Variants in PROM1 observed in about 807,000 individuals in gnomAD.
PROM1 encodes the protein prominin-1.
A neutral mutation model predicts 116.9 loss-of-function variants in PROM1; 105 were observed. That is an observed-to-expected ratio of 0.90 (90% CI 0.77 to 1.06). PROM1 has a LOEUF of 1.06. Ranked by LOEUF, PROM1 falls within the 50% of genes least tolerant of loss-of-function variation. The pLI, the probability that PROM1 is intolerant of heterozygous loss-of-function variation, is 0.00. For missense variants in PROM1, 1,122 were observed against 1,045.2 expected (o/e 1.07, Z -1.01); for synonymous variants, 393 against 387.0 (o/e 1.02, Z -0.18).
chr4:16,072,149 G>A (rs1043126280), intron 2 of PROM1, among the ~76,000 whole-genome samples: 2 of 152,076 alleles, frequency 1.3e-5, no homozygotes, highest in Non-Finnish European at 2.9e-5. Context: ...CTTCTGCCCA[G>A]GAAGTAAGGC....
rs1744907484 is a variant in PROM1 at position 16,080,888 on chromosome 4, A to G, written c.-213+3090T>C. 2.0e-5 allele frequency among the ~76,000 whole-genome samples: 3 copies of G among 152,162 alleles called. No individual in the cohort carries two copies. The South Asian group carries it at 6.2e-4, about 31-fold the overall frequency. ...TGATGGCAGCAATGCCAGTAGCCAC[A>G]TCCAGGGTCCTGTTCTGGCAGCCGC... On this transcript the variant is annotated intron_variant, in intron 1 of 27. Transcript: ENST00000447510.
At chr4:15,982,608 G>C (rs1236894909) in intron 23 of PROM1, among the ~76,000 whole-genome samples, 1 of 152,132 alleles carries the variant, frequency 6.6e-6, no homozygotes, top group South Asian at 2.1e-4. Context: ...GCAGCCTCTA[G>C]GCCTCCCCTC....
chr4:16,013,371 C>T (rs1242711585), intron 10 of PROM1, 33 bp from the exon 11 acceptor site: 1 of 1,506,014 alleles, frequency 6.6e-7, no homozygotes, highest in Non-Finnish European at 9.2e-7. Flanking sequence ...AGGATGTACA[C>T]AGTTAAGTCA....
intron 10 of PROM1, 138 bp from the exon 11 acceptor site, chr4:16,013,476 A>G (rs530305812): frequency 1.6e-6 from 1 of 630,086 alleles, no homozygotes; most frequent in South Asian, 2.0e-5. Flanking sequence ...AATGATCATT[A>G]TATGGTCATC....
rs1334846502 is a variant in PROM1 at position 16,041,710 on chromosome 4, T to G, written c.221-2709A>C. On this transcript the variant is annotated intron_variant, in intron 2 of 27. Transcript: ENST00000447510. ...TTCAACTAAGCCACAGTTATGCCAC[T>G]GCACTCCAGCTCGGGTGACAGATCG... 2.0e-5 allele frequency among the ~76,000 whole-genome samples: 3 copies of G among 151,068 alleles called. No individual in the cohort carries two copies. In the Admixed American group the frequency reaches 2.0e-4, roughly 10 times the overall value.
intron 11 of PROM1, among the ~76,000 whole-genome samples, chr4:16,009,652 A>G (rs1726387293): frequency 6.6e-6 from 1 of 152,108 alleles, no homozygotes; most frequent in African/African-American, 2.4e-5. Flanking sequence ...AAGAAATGGT[A>G]TTCAGGGCCG....
chr4:15,989,619 T>A, intron 19 of PROM1, 113 bp downstream of exon 19: 1 of 896,828 alleles, frequency 1.1e-6, no homozygotes, highest in Non-Finnish European at 1.8e-6. Flanking sequence ...CTGAAGCCAG[T>A]CAGCTGGGAC....
intron 2 of PROM1, among the ~76,000 whole-genome samples, chr4:16,041,781 A>ATATAT (rs1735332453): frequency 1.8e-5 from 1 of 56,368 alleles, no homozygotes; most frequent in Non-Finnish European, 3.9e-5. Context: ...TAAATAAATA[A>ATATAT]ATAAATATAT....
intron 13 of PROM1, among the ~76,000 whole-genome samples, chr4:16,004,855 TCCTTCCTCTCTCTCTC>T (rs1432315157): frequency 1.2e-4 from 17 of 139,184 alleles, no homozygotes; most frequent in Non-Finnish European, 1.9e-4. Flanking sequence ...CTTCCTTCCT[TCCTTCCTCTCTCTCTC>T]CCTCTCTCTC....
intron 6 of PROM1, among the ~76,000 whole-genome samples, chr4:16,024,905 A>T (rs1228489165): frequency 2.0e-5 from 3 of 152,324 alleles, no homozygotes; most frequent in East Asian, 1.9e-4. Flanking sequence ...TCATTTTTTT[A>T]AAAAATCATA....
Position 16,006,559 on chromosome 4 carries a change from G to A in PROM1, c.1433C>T (p.Thr478Ile). 1.3e-6 allele frequency: 2 copies of A among 1,598,296 alleles called. No homozygotes were observed. The highest frequency in any genetic ancestry group is 8.5e-7 in the Non-Finnish European group (1 of 1,172,912). ...TPTTRGCVSN[T>I]GGVFLMVGVG... Reference sequence around the variant, plus strand: ...TCACACCATGAGGAAGACGCCTCCGGTGTTGGAGACACAGCCTCGGGTGGT... The same window carrying A: ...TCACACCATGAGGAAGACGCCTCCGATGTTGGAGACACAGCCTCGGGTGGT... The change falls in exon 13 of 28, where the codon ACC becomes ATC. Residue 478 changes from threonine (T) to isoleucine (I), a missense_variant. Physicochemically the swap from Thr to Ile is moderately conservative, Grantham distance 89. Coordinates refer to ENST00000447510, the MANE Select transcript of PROM1 (RefSeq NM_006017.3).
At chr4:16,069,938 C>T (rs964638213) in intron 2 of PROM1, among the ~76,000 whole-genome samples, 1 of 152,134 alleles carries the variant, frequency 6.6e-6, no homozygotes, top group African/African-American at 2.4e-5. Flanking sequence ...TTTATTTGAA[C>T]AGGATTTGAA....
chr4:16,007,301 C>T (rs1291384008), intron 12 of PROM1, among the ~76,000 whole-genome samples: 1 of 152,210 alleles, frequency 6.6e-6, no homozygotes, highest in East Asian at 1.9e-4. Flanking sequence ...ATCTCAATTT[C>T]ATAATGGTCC....
chr4:16,032,837 A>G (rs1224130713), intron 5 of PROM1, among the ~76,000 whole-genome samples: 1 of 152,220 alleles, frequency 6.6e-6, no homozygotes, highest in Admixed American at 6.5e-5. Flanking sequence ...TTATTATTAG[A>G]AAGTCAATTG....
At chr4:16,037,196 C>A (rs1223263575) in intron 3 of PROM1, among the ~76,000 whole-genome samples, 1 of 152,162 alleles carries the variant, frequency 6.6e-6, no homozygotes, top group African/African-American at 2.4e-5. Context: ...GGTTGGCATT[C>A]GGGCTGGCTA....
intron 1 of PROM1, among the ~76,000 whole-genome samples, chr4:16,081,503 A>G (rs1176615262): frequency 6.6e-6 from 1 of 152,262 alleles, no homozygotes; most frequent in Admixed American, 6.5e-5. Context: ...AGCAATGGCA[A>G]CAAAAGCCAA....
intron 4 of PROM1, among the ~76,000 whole-genome samples, chr4:16,033,877 ATCAT>A (rs1733365517): frequency 6.6e-6 from 1 of 151,258 alleles, no homozygotes; most frequent in African/African-American, 2.4e-5. Flanking sequence ...CCTATCTGCC[ATCAT>A]TAGTTGAATC....
At chr4:16,062,927 A>C (rs1244924560) in intron 2 of PROM1, among the ~76,000 whole-genome samples, 1 of 152,202 alleles carries the variant, frequency 6.6e-6, no homozygotes, top group Non-Finnish European at 1.5e-5. Context: ...TTCCCCTAAA[A>C]GTTGCAATAT....
At chr4:16,044,309 A>G (rs1736014085) in intron 2 of PROM1, among the ~76,000 whole-genome samples, 1 of 152,244 alleles carries the variant, frequency 6.6e-6, no homozygotes, top group African/African-American at 2.4e-5. Context: ...TGTAAAATGA[A>G]TAGAGAACTT....
Sources: gnomAD v4.1 joint callset for allele counts (sites outside exome capture counted in the v4.1 genomes callset) on GRCh38, gnomAD v4.1.1 for gene constraint, MANE v1.5 for transcripts, NCBI Gene and HGNC (gene_info 2026-07-23, HGNC 2026-07-21) for gene names.